Variants in PLXND1 observed in about 807,000 individuals in gnomAD.
PLXND1 encodes the protein plexin D1, also known as plexin-D1.
In PLXND1, 54 loss-of-function variants were observed where a neutral mutation model predicts 197.7. That is an observed-to-expected ratio of 0.27 (90% CI 0.22 to 0.34). PLXND1 has a LOEUF of 0.34. PLXND1 is among the 10% of genes least tolerant of loss of function. The pLI, the probability that PLXND1 is intolerant of heterozygous loss-of-function variation, is 1.00. For missense variants in PLXND1, 2,127 were observed against 2,699.2 expected, an observed-to-expected ratio of 0.79 and a Z score of 4.70; for synonymous variants, 1,180 against 1,161.2, an observed-to-expected ratio of 1.02 and a Z score of -0.33.
chr3:129,593,157 C>T (rs902628224), intron 1 of PLXND1, among the ~76,000 whole-genome samples: 3 of 152,168 alleles, frequency 2.0e-5, no homozygotes, highest in African/African-American at 7.2e-5. Context: ...TCCCTACCTA[C>T]AACCCAGCTC....
intron 8 of PLXND1, 180 bp from the exon 9 acceptor site, chr3:129,578,613 C>A (rs2085346619): frequency 5.1e-6 from 3 of 585,648 alleles, no homozygotes; most frequent in Non-Finnish European, 9.1e-6. Flanking sequence ...ACCCTCCATC[C>A]TATGGGCAGG....
chr3:129,571,320 A>AGG lies in PLXND1; in HGVS notation c.3337-19_3337-18dup. 1.2e-6 allele frequency: 2 copies of AGG among 1,606,436 alleles called. No homozygotes were observed. The highest frequency in any genetic ancestry group is 2.2e-5 in the South Asian group (2 of 90,474). ...CTTGCAGAGCTGGTGCAGGAGAGCC[A>AGG]GGGGCCCAGGCCGGGATGCAGGATG... On this transcript the variant is annotated splice_polypyrimidine_tract_variant and intron_variant, in intron 17 of 35. Transcript: ENST00000324093.
chr3:129,567,153 G>A (rs1030489569), intron 22 of PLXND1, among the ~76,000 whole-genome samples: 14 of 152,200 alleles, frequency 9.2e-5, no homozygotes, highest in African/African-American at 3.4e-4. Flanking sequence ...GCCTGGCTGG[G>A]AAGAGGCACA....
Position 129,558,331 on chromosome 3 carries a change from T to G in PLXND1, c.5445+97A>C. 8.2e-7 allele frequency: 1 copy of G among 1,221,370 alleles called. No individual in the cohort carries two copies. The highest frequency in any genetic ancestry group is 1.4e-5 in the South Asian group (1 of 71,640). The allele number at this position is 1,221,370 out of a possible 1,614,324, so 75.7% of individuals were successfully genotyped here. ...TTTTGGTTCCCCTCCCAGGAAGATC[T>G]CTGAGCTCAGCCTCAGAGAGTCGAG... On this transcript the variant is annotated intron_variant, in intron 33 of 35. Coordinates refer to ENST00000324093, the MANE Select transcript of PLXND1 (RefSeq NM_015103.3). The surrounding 1 kb of genome is among the most constrained non-coding windows in gnomAD (Gnocchi z 4.1).
chr3:129,574,273 A>G, intron 12 of PLXND1, 63 bp downstream of exon 12: 3 of 1,463,220 alleles, frequency 2.1e-6, no homozygotes, highest in African/African-American at 1.4e-5. Context: ...GGGACCCTCG[A>G]GGGCACTGCG....
At chr3:129,598,855 C>T (rs966084883) in intron 1 of PLXND1, among the ~76,000 whole-genome samples, 3 of 152,200 alleles carry the variant, frequency 2.0e-5, no homozygotes, top group Non-Finnish European at 4.4e-5. Context: ...ATGCTTAACC[C>T]TTCTGGACCT....
rs1397976798 is a variant in PLXND1 at position 129,577,356 on chromosome 3, C to T, written c.2346+973G>A. On this transcript the variant is annotated intron_variant, in intron 9 of 35. Coordinates refer to ENST00000324093, the MANE Select transcript of PLXND1 (RefSeq NM_015103.3). The surrounding 1 kb of genome is among the most constrained non-coding windows in gnomAD (Gnocchi z 5.0). The stretch of plus-strand genomic sequence containing the variant: ...ATCGGCAGGACTCAAGTCAGGCTCA[C>T]ACCTCCCCATCCCAGGCGCCCACGG... Among the ~76,000 whole-genome samples the T allele has an allele frequency of 2.0e-5, 3 of 152,236 alleles. No individual in the cohort carries two copies. Among genetic ancestry groups the T allele is most frequent in the Non-Finnish European group, 2.9e-5 (2 of 68,036 alleles).
chr3:129,561,959 T>C, intron 27 of PLXND1, 56 bp from the exon 28 acceptor site: 1 of 1,219,192 alleles, frequency 8.2e-7, no homozygotes, highest in Non-Finnish European at 1.2e-6. Flanking sequence ...GCCTGAGGGG[T>C]AGGTACCGGC....
chr3:129,575,504 G>T lies in PLXND1; in HGVS notation c.2495C>A (p.Pro832Gln), dbSNP rs1406529464. ...CTCAGGGCTGTCCAGGAATCGGGCTGGCCGCCCCTTTAGTTGGAGGCTGAG... is the reference window on the plus strand; with the variant it reads ...CTCAGGGCTGTCCAGGAATCGGGCTTGCCGCCCCTTTAGTTGGAGGCTGAG... ...FPLSLQLKGR[P>Q]ARFLDSPEPM... The change falls in exon 11 of 36, where the codon CCA (proline) becomes CAA (glutamine). Residue 832 changes from proline to glutamine, a missense_variant. Physicochemically the swap from Pro to Gln is moderately conservative, Grantham distance 76. Around this residue, in one of 6 missense-constraint regions of PLXND1, gnomAD observed 1,095 missense variants for 1,259.8 expected, o/e 0.87. Coordinates refer to ENST00000324093, the MANE Select transcript of PLXND1 (RefSeq NM_015103.3). The T allele has an allele frequency of 1.9e-6, 3 of 1,555,718 alleles. No individual in the cohort carries two copies. The East Asian group carries it at 7.3e-5, about 38-fold the overall frequency.
At chr3:129,602,297 T>C (rs2085720257) in intron 1 of PLXND1, among the ~76,000 whole-genome samples, 1 of 152,124 alleles carries the variant, frequency 6.6e-6, no homozygotes, top group Non-Finnish European at 1.5e-5. Flanking sequence ...TCCCTGGCCC[T>C]TGTGTCATGT....
Position 129,571,514 on chromosome 3 carries a change from G to A in PLXND1, c.3331C>T (p.Pro1111Ser), listed in dbSNP as rs1283013477. ...SMAVHHIGRE[P>S]TLCKVLNSTL... is the part of the protein sequence containing the mutation. Reference sequence around the variant, plus strand: ...CAGGCCCCCGAATGCCTCACCGTGGGCTCCCGGCCAATGTGGTGGACGGCC... The same window carrying A: ...CAGGCCCCCGAATGCCTCACCGTGGACTCCCGGCCAATGTGGTGGACGGCC... The change falls in exon 17 of 36, where the codon CCC (proline) becomes TCC (serine). Residue 1111 changes from proline (P) to serine (S), a missense_variant. This residue lies in a region of PLXND1 where 532 missense variants were observed against 811.0 expected (regional missense o/e 0.66). Transcript: ENST00000324093. 1.2e-6 allele frequency: 2 copies of A among 1,613,174 alleles called. No homozygotes were observed. Among genetic ancestry groups the A allele is most frequent in the Non-Finnish European group, 1.7e-6 (2 of 1,179,604 alleles).
chr3:129,597,596 T>A (rs2085646340), intron 1 of PLXND1, among the ~76,000 whole-genome samples: 1 of 152,182 alleles, frequency 6.6e-6, no homozygotes, highest in African/African-American at 2.4e-5. Context: ...CTCCAGCGCA[T>A]GATTTATCAA....
Position 129,573,757 on chromosome 3 carries a change from C to A in PLXND1, c.2686-12G>T. ...CTCAGGGGCTCAATCTGCCAGGTGA[C>A]CCGAGAGAGGGGCGAATGGGATCTG... On this transcript the variant is annotated splice_polypyrimidine_tract_variant and intron_variant, in intron 12 of 35. Transcript: ENST00000324093. 6.2e-7 allele frequency: 1 copy of A among 1,611,848 alleles called. No homozygotes were observed. The highest frequency in any genetic ancestry group is 1.1e-5 in the South Asian group (1 of 90,770).
At chr3:129,589,314 A>AACCCCCCCC in intron 2 of PLXND1, 37 bp downstream of exon 2, 1 of 346,844 alleles carries the variant, frequency 2.9e-6, no homozygotes, top group Admixed American at 3.9e-5. Context: ...GGAGCCTCCC[A>AACCCCCCCC]CCCCCACCCC....
At chr3:129,573,102 G>A (rs1171604967) in intron 13 of PLXND1, 161 bp from the exon 14 acceptor site, 12 of 611,586 alleles carry the variant, frequency 2.0e-5, no homozygotes, top group Admixed American at 5.4e-5. Flanking sequence ...TATAAGACAC[G>A]GGGGTGGGAC....
At chr3:129,600,343 C>T (rs1338685215) in intron 1 of PLXND1, among the ~76,000 whole-genome samples, 1 of 152,202 alleles carries the variant, frequency 6.6e-6, no homozygotes, top group Non-Finnish European at 1.5e-5. Context: ...GATACTAATA[C>T]CTGTGCCTGC....
At chr3:129,566,115 G>T in intron 23 of PLXND1, 98 bp from the exon 24 acceptor site, 2 of 1,297,614 alleles carry the variant, frequency 1.5e-6, no homozygotes, top group Non-Finnish European at 1.1e-6. Flanking sequence ...TGCCTCCTGG[G>T]ATGGGGAGCT....
chr3:129,560,803 G>A, intron 29 of PLXND1, 80 bp from the exon 30 acceptor site: 1 of 862,566 alleles, frequency 1.2e-6, no homozygotes, highest in East Asian at 2.4e-5. Context: ...GATGGAGTGA[G>A]AAACAGAAAC....
chr3:129,577,373 C>T lies in PLXND1; in HGVS notation c.2346+956G>A, dbSNP rs950168304. Among the ~76,000 whole-genome samples the T allele has an allele frequency of 3.9e-5, 6 of 152,300 alleles. No individual in the cohort carries two copies. Among genetic ancestry groups the T allele is most frequent in the African/African-American group, 9.6e-5 (4 of 41,564 alleles). On this transcript the variant is annotated intron_variant, in intron 9 of 35. Coordinates refer to ENST00000324093, the MANE Select transcript of PLXND1 (RefSeq NM_015103.3). This position sits in a 1 kb window ranked among gnomAD's most constrained non-coding sequence, Gnocchi z 5.0. ...CAGGCTCACACCTCCCCATCCCAGG[C>T]GCCCACGGCCCAGGGGCAGAGCCAT...
Sources: gnomAD v4.1 joint callset for allele counts (sites outside exome capture counted in the v4.1 genomes callset) on GRCh38, gnomAD v4.1.1 for gene constraint, gnomAD v4.1.1 regional missense constraint, Gnocchi (gnomAD v3.1) non-coding constraint, MANE v1.5 for transcripts, NCBI Gene and HGNC (gene_info 2026-07-23, HGNC 2026-07-21) for gene names.